Variants in SEPTIN8 observed in about 807,000 individuals in gnomAD.
SEPTIN8 encodes septin 8.
SEPTIN8 carries 22 observed loss-of-function variants against 53.1 expected under a neutral mutation model. The observed-to-expected ratio is 0.41, with a 90% CI of 0.30 to 0.59. SEPTIN8 has a LOEUF of 0.59. SEPTIN8 is among the 20% of genes least tolerant of loss of function. SEPTIN8 has a pLI of 0.24. For synonymous variants in SEPTIN8, 228 were observed against 248.4 expected (o/e 0.92, Z 0.77); for missense variants, 536 against 638.7 (o/e 0.84, Z 1.73).
At chr5:132,770,021 A>G (rs1316276270) in intron 1 of SEPTIN8, among the ~76,000 whole-genome samples, 4 of 26,972 alleles carry the variant, frequency 1.5e-4, no homozygotes, top group African/African-American at 5.1e-4. Context: ...ATATATATAT[A>G]TACACACACA....
chr5:132,763,906 C>T lies in SEPTIN8; in HGVS notation c.348-14G>A. ...ATGGGCCTGTAACTACAGACAGCTC[C>T]ATCACCCAGGAGGCTGCCAGCTGAG... On this transcript the variant is annotated splice_polypyrimidine_tract_variant and intron_variant, in intron 3 of 9. Coordinates refer to ENST00000378719, the MANE Select transcript of SEPTIN8 (RefSeq NM_001098811.2). 1.9e-6 allele frequency: 3 copies of T among 1,546,076 alleles called. No individual in the cohort carries two copies. Among genetic ancestry groups the T allele is most frequent in the Non-Finnish European group, 2.6e-6 (3 of 1,144,816 alleles).
intron 9 of SEPTIN8, chr5:132,755,937 G>A: frequency 1.0e-6 from 1 of 965,942 alleles, no homozygotes; most frequent in Non-Finnish European, 1.2e-6. Context: ...CACAGTTGTA[G>A]CAGATTAATG....
At chr5:132,768,727 G>A (rs746882258) in intron 1 of SEPTIN8, among the ~76,000 whole-genome samples, 1 of 152,194 alleles carries the variant, frequency 6.6e-6, no homozygotes, top group Non-Finnish European at 1.5e-5. Flanking sequence ...GGCAAGTGAC[G>A]CAGGTTGAGC....
chr5:132,769,462 C>A (rs150039799), intron 1 of SEPTIN8, among the ~76,000 whole-genome samples: 1 of 152,284 alleles, frequency 6.6e-6, no homozygotes, highest in East Asian at 1.9e-4. Context: ...AACTCAAATG[C>A]CTTTAGAAGC....
Position 132,758,707 on chromosome 5 carries a change from GCTCCCAGT to G in SEPTIN8, c.1286+2087_1286+2094del, listed in dbSNP as rs1309241262. On this transcript the variant is annotated intron_variant, in intron 9 of 9. Transcript: ENST00000378719. ...GCTGTAAACACTGGAGTCTGTACCG[GCTCCCAGT>G]CCGTCCTCACACCATGTTATGGGAG... 4 of 1,606,556 alleles carry G rather than the reference GCTCCCAGT, an allele frequency of 2.5e-6. No homozygotes were observed. In the East Asian group the frequency reaches 8.9e-5, roughly 36 times the overall value.
chr5:132,766,217 T>C (rs1273935100), intron 1 of SEPTIN8, among the ~76,000 whole-genome samples: 1 of 152,144 alleles, frequency 6.6e-6, no homozygotes, highest in Non-Finnish European at 1.5e-5. Flanking sequence ...CTCTGAGGCC[T>C]CCTCCCTTCT....
intron 1 of SEPTIN8, among the ~76,000 whole-genome samples, chr5:132,775,346 T>C (rs1216742475): frequency 6.6e-6 from 1 of 152,140 alleles, no homozygotes; most frequent in African/African-American, 2.4e-5. Context: ...CCTTCTTACA[T>C]AGGGGGCCAG....
intron 1 of SEPTIN8, among the ~76,000 whole-genome samples, chr5:132,772,085 C>T (rs1284067504): frequency 6.6e-6 from 1 of 152,122 alleles, no homozygotes; most frequent in Non-Finnish European, 1.5e-5. Flanking sequence ...GCCAATCATC[C>T]TCACAAGGCC....
At chr5:132,755,693 C>A (rs1159850490) in intron 9 of SEPTIN8, among the ~76,000 whole-genome samples, 2 of 152,190 alleles carry the variant, frequency 1.3e-5, no homozygotes, top group Admixed American at 1.3e-4. Context: ...GAGGAACACT[C>A]CTCAAGGGCA....
intron 3 of SEPTIN8, 26 bp downstream of exon 3, chr5:132,764,198 G>T (rs1392056214): frequency 6.3e-7 from 1 of 1,591,210 alleles, no homozygotes; most frequent in Non-Finnish European, 8.6e-7. Flanking sequence ...AGGAGGCTGG[G>T]TGGGGCCGCC....
intron 9 of SEPTIN8, chr5:132,757,760 G>C: frequency 1.0e-6 from 1 of 985,448 alleles, no homozygotes; most frequent in Non-Finnish European, 1.2e-6. Flanking sequence ...AAAGCTGCTA[G>C]TACTTCCTTA....
intron 2 of SEPTIN8, 138 bp downstream of exon 2, chr5:132,765,271 C>A: frequency 9.8e-7 from 1 of 1,025,444 alleles, no homozygotes. Flanking sequence ...GAGACACCAA[C>A]CAAATCCTCG....
chr5:132,761,147 C>T lies in SEPTIN8; in HGVS notation c.1081G>A (p.Glu361Lys), dbSNP rs1241435257. 1.9e-6 allele frequency: 3 copies of T among 1,614,242 alleles called. No homozygotes were observed. The highest frequency in any genetic ancestry group is 1.7e-6 in the Non-Finnish European group (2 of 1,180,046). The change falls in exon 8 of 10, where the codon GAG becomes AAG. Residue 361 changes from glutamate (E) to lysine (K), a missense_variant. Coordinates refer to ENST00000378719, the MANE Select transcript of SEPTIN8 (RefSeq NM_001098811.2). This position sits in a 1 kb window ranked among gnomAD's most constrained non-coding sequence, Gnocchi z 5.8. Reference protein sequence around the residue: ...KVKETELELKEKERELHEKFE... With the variant: ...KVKETELELKKKERELHEKFE... ...CTGGCACATACCTCCCTTTCCTTCT[C>T]CTTCAGCTCCAGCTCTGTCTCCTTC...
In SEPTIN8 at chr5:132,751,703, A is replaced by C. The variant is rs1280953716; in HGVS notation, c.*313T>G. ...TGTTTCTATTTTTCAGAATGGAAACATTGTCATCTAGGTACTTTCCGCTCA... is the reference window on the plus strand; with the variant it reads ...TGTTTCTATTTTTCAGAATGGAAACCTTGTCATCTAGGTACTTTCCGCTCA... On this transcript the variant is annotated 3_prime_UTR_variant, in exon 10 of 10. Coordinates refer to ENST00000378719, the MANE Select transcript of SEPTIN8 (RefSeq NM_001098811.2). 3.6e-6 allele frequency: 2 copies of C among 548,048 alleles called. No homozygotes were observed. The highest frequency in any genetic ancestry group is 3.8e-5 in the African/African-American group (2 of 52,076). The allele number at this position is 548,048 out of a possible 1,614,324, so 33.9% of individuals were successfully genotyped here.
At chr5:132,756,747 C>T (rs988254454) in intron 9 of SEPTIN8, 90 of 985,318 alleles carry the variant, frequency 9.1e-5, no homozygotes, top group Middle Eastern at 5.2e-4. Context: ...GGCTTAGGCC[C>T]GCAGGCAGCC....
Position 132,773,881 on chromosome 5 carries a change from A to G in SEPTIN8, c.30+3227T>C, listed in dbSNP as rs964451376. On this transcript the variant is annotated intron_variant, in intron 1 of 9. Coordinates refer to ENST00000378719, the MANE Select transcript of SEPTIN8 (RefSeq NM_001098811.2). The surrounding 1 kb of genome is among the most constrained non-coding windows in gnomAD (Gnocchi z 4.2). ...CCTTCCTAAGGTGGGCACACATAGC[A>G]TGGTCTGATGCCCAAGAGAGAGGGA... 1 of 152,294 alleles carries G rather than the reference A, an allele frequency of 6.6e-6. No homozygotes were observed. Among genetic ancestry groups the G allele is most frequent in the Non-Finnish European group, 1.5e-5 (1 of 68,098 alleles). The allele number at this position is 152,294 out of a possible 1,614,324, so 9.4% of individuals were successfully genotyped here.
At position 132,750,899 on chromosome 5, in the gene SEPTIN8, G is replaced by T. The variant is rs761293144; in HGVS notation, c.*1117C>A. On this transcript the variant is annotated 3_prime_UTR_variant, in exon 10 of 10. Transcript: ENST00000378719. ...AGACTTCACAAAGCACTATGGCTCT[G>T]ACTATTCCCCGAATGAGCTGCTGAG... is the stretch of plus-strand genomic sequence containing the variant. 6 of 1,614,128 alleles carry T rather than the reference G, an allele frequency of 3.7e-6. No individual in the cohort carries two copies. The highest frequency in any genetic ancestry group is 1.7e-5 in the Admixed American group (1 of 60,012).
intron 9 of SEPTIN8, chr5:132,757,733 A>G: frequency 2.0e-6 from 2 of 985,444 alleles, no homozygotes; most frequent in Non-Finnish European, 2.4e-6. Context: ...GTAAACCAAC[A>G]GGAGCATAGA....
In SEPTIN8 at chr5:132,762,625, G is replaced by C. The variant is rs770938377; in HGVS notation, c.555C>G (p.Ile185Met). 1 of 1,614,110 alleles carries C rather than the reference G, an allele frequency of 6.2e-7. No individual in the cohort carries two copies. Among genetic ancestry groups the C allele is most frequent in the Non-Finnish European group, 8.5e-7 (1 of 1,180,050 alleles). ...TCTTGGAGATGGTGTCAGCCTTGGCGATGATGGGAATAATGTTCACCTGCC... is the reference window on the plus strand; with the variant it reads ...TCTTGGAGATGGTGTCAGCCTTGGCCATGATGGGAATAATGTTCACCTGCC... ...LDSKVNIIPI[I>M]AKADTISKSE... Residue 185 changes from isoleucine (I) to methionine (M), a missense_variant, in exon 5 of 10, where the codon ATC (isoleucine) becomes ATG (methionine). Physicochemically the swap from Ile to Met is conservative, Grantham distance 10 (BLOSUM62 1). Transcript: ENST00000378719.
Sources: gnomAD v4.1 joint callset for allele counts (sites outside exome capture counted in the v4.1 genomes callset) on GRCh38, gnomAD v4.1.1 for gene constraint, Gnocchi (gnomAD v3.1) non-coding constraint, MANE v1.5 for transcripts, NCBI Gene and HGNC (gene_info 2026-07-23, HGNC 2026-07-21) for gene names.